The following CNTN6 variants were observed in gnomAD, a reference collection of about 807,000 sequenced individuals.
The protein encoded by CNTN6 is contactin 6.
A neutral mutation model predicts 122.8 loss-of-function variants in CNTN6; 137 were observed. That is an observed-to-expected ratio of 1.12 (90% confidence interval 0.97 to 1.29). The LOEUF is 1.29. CNTN6 is among the 50% of genes most tolerant of loss of function. The pLI, the probability that CNTN6 is intolerant of heterozygous loss-of-function variation, is 0.00. For missense variants in CNTN6, 1,634 were observed against 1,223.4 expected (o/e 1.34, Z -5.01); for synonymous variants, 570 against 426.0 (o/e 1.34, Z -4.16).
At chr3:1,119,349 G>GTGTGTGTGTGTGTGTGTGTGTGTT (rs1253031703) in intron 1 of CNTN6, among the ~76,000 whole-genome samples, 105 of 151,418 alleles carry the variant, frequency 6.9e-4, no homozygotes, top group Non-Finnish European at 7.8e-4. Flanking sequence ...GTGTGTGTGT[G>GTGTGTGTGTGTGTGTGTGTGTGTT]TGTGGAGAAT....
At chr3:1,340,791 A>G (rs1468936519) in intron 11 of CNTN6, among the ~76,000 whole-genome samples, 4 of 152,110 alleles carry the variant, frequency 2.6e-5, no homozygotes, top group Non-Finnish European at 4.4e-5. Context: ...TTCTATCTTG[A>G]TACTCAAGTT....
chr3:1,380,109 A>G (rs1476735617), intron 17 of CNTN6, among the ~76,000 whole-genome samples: 1 of 152,216 alleles, frequency 6.6e-6, no homozygotes, highest in African/African-American at 2.4e-5. Context: ...TTGGAAGTAG[A>G]GAGGCCACCC....
chr3:1,107,436 T>C (rs1229415372), intron 1 of CNTN6, among the ~76,000 whole-genome samples: 1 of 152,152 alleles, frequency 6.6e-6, no homozygotes, highest in Non-Finnish European at 1.5e-5. Context: ...TCATTTGCAA[T>C]TGCCATTCAT....
chr3:1,305,226 G>C (rs952332533), intron 7 of CNTN6, among the ~76,000 whole-genome samples: 2 of 152,120 alleles, frequency 1.3e-5, no homozygotes, highest in Non-Finnish European at 2.9e-5. Context: ...TGTATAAAAA[G>C]TGAGGTCTAG....
intron 11 of CNTN6, among the ~76,000 whole-genome samples, chr3:1,336,838 C>T (rs1277739002): frequency 6.6e-6 from 1 of 152,140 alleles, no homozygotes; most frequent in Non-Finnish European, 1.5e-5. Context: ...AGACACCTTC[C>T]TCTTGGACAC....
At chr3:1,224,746 CT>C (rs942593492) in intron 3 of CNTN6, among the ~76,000 whole-genome samples, 5 of 151,662 alleles carry the variant, frequency 3.3e-5, no homozygotes, top group African/African-American at 1.2e-4. Context: ...AACCATTATT[CT>C]TTTTTTGTTT....
intron 19 of CNTN6, 124 bp from the exon 20 acceptor site, chr3:1,385,487 T>C (rs1692735596): frequency 4.7e-6 from 3 of 639,958 alleles, no homozygotes; most frequent in Non-Finnish European, 5.0e-6. Context: ...AGAAAACGTT[T>C]TTGTCATCTA....
intron 4 of CNTN6, among the ~76,000 whole-genome samples, chr3:1,254,776 A>C (rs1288955660): frequency 6.6e-6 from 1 of 152,210 alleles, no homozygotes; most frequent in Non-Finnish European, 1.5e-5. Flanking sequence ...AGGAAAATTA[A>C]GGTTCATCAA....
intron 4 of CNTN6, among the ~76,000 whole-genome samples, chr3:1,274,431 G>A (rs1196520848): frequency 6.6e-6 from 1 of 152,192 alleles, no homozygotes; most frequent in Non-Finnish European, 1.5e-5. Flanking sequence ...AGCAGGTGGA[G>A]AACGGGAAGG....
At position 1,329,950 on chromosome 3, in the gene CNTN6, A is replaced by G. The variant is rs188536051; in HGVS notation, c.1364+15A>G. 2.8e-3 allele frequency: 4,209 copies of G among 1,507,668 alleles called. 15 individuals carry two copies. The highest frequency in any genetic ancestry group is 8.2e-3 in the Middle Eastern group (46 of 5,628). The allele number at this position is 1,507,668 out of a possible 1,614,324, so 93.4% of individuals were successfully genotyped here. A position where few individuals can be genotyped will look rare whatever the true frequency, so the allele number is the denominator to read the frequency against. On this transcript the variant is annotated intron_variant, in intron 11 of 22. Coordinates refer to ENST00000446702, the MANE Select transcript of CNTN6 (RefSeq NM_001289080.2). ...CAAAGCAAAAGGTAAACAAATCTTT[A>G]TTTTTAAAAATATTTTTGTTTGTAA... is the stretch of plus-strand genomic sequence containing the variant.
At chr3:1,323,776 G>C (rs1701177921) in intron 8 of CNTN6, among the ~76,000 whole-genome samples, 1 of 151,674 alleles carries the variant, frequency 6.6e-6, no homozygotes, top group African/African-American at 2.4e-5. Flanking sequence ...ACTCAAACCT[G>C]TATGGTAGAC....
At chr3:1,172,132 T>C (rs902001290) in intron 2 of CNTN6, among the ~76,000 whole-genome samples, 13 of 152,132 alleles carry the variant, frequency 8.5e-5, no homozygotes, top group African/African-American at 3.1e-4. Flanking sequence ...TAAAGCCCTC[T>C]TGGAAGAGTA....
At chr3:1,210,426 A>AAAAAGGAAAG (rs56896265) in intron 2 of CNTN6, among the ~76,000 whole-genome samples, 64,533 of 148,456 alleles carry the variant, frequency 0.43, 14,373 homozygotes, top group African/African-American at 0.59. Flanking sequence ...AAAAGGAAAG[A>AAAAAGGAAAG]AAAAAAAAAG....
At chr3:1,129,260 A>C (rs533029783) in intron 1 of CNTN6, among the ~76,000 whole-genome samples, 1 of 152,106 alleles carries the variant, frequency 6.6e-6, no homozygotes, top group Admixed American at 6.6e-5. Context: ...GATAATGTGC[A>C]TATTTTAAGT....
At chr3:1,138,554 C>G (rs1365826603) in intron 1 of CNTN6, among the ~76,000 whole-genome samples, 1 of 151,890 alleles carries the variant, frequency 6.6e-6, no homozygotes, top group Admixed American at 6.6e-5. Flanking sequence ...TATAGCAAAA[C>G]AGAAGAGAAA....
At chr3:1,354,116 A>G (rs899904712) in intron 12 of CNTN6, among the ~76,000 whole-genome samples, 7 of 151,522 alleles carry the variant, frequency 4.6e-5, no homozygotes, top group African/African-American at 1.2e-4. Context: ...CTGATGAAAG[A>G]AAAATAAAAG....
intron 7 of CNTN6, among the ~76,000 whole-genome samples, chr3:1,300,496 AAG>A (rs1697063706): frequency 9.2e-5 from 11 of 119,820 alleles, no homozygotes. Context: ...AGGAAGGAAA[AAG>A]AAAAGAAAGA....
chr3:1,119,522 C>G (rs912835843), intron 1 of CNTN6, among the ~76,000 whole-genome samples: 1 of 151,852 alleles, frequency 6.6e-6, no homozygotes, highest in African/African-American at 2.4e-5. Flanking sequence ...AAGAGAGCAT[C>G]ATAGAAGACA....
chr3:1,390,979 G>A (rs945657531), intron 20 of CNTN6, among the ~76,000 whole-genome samples: 18 of 143,300 alleles, frequency 1.3e-4, no homozygotes, highest in Admixed American at 3.5e-4. Context: ...AGAGGTACAA[G>A]GAGGAACTGG....
Sources: gnomAD v4.1 joint callset for allele counts (sites outside exome capture counted in the v4.1 genomes callset) on GRCh38, gnomAD v4.1.1 for gene constraint, MANE v1.5 for transcripts, NCBI Gene and HGNC (gene_info 2026-07-23, HGNC 2026-07-21) for gene names.